TRPS1: variants seen among roughly 807,000 people sequenced by gnomAD.
TRPS1 encodes the protein zinc finger transcription factor Trps1.
In TRPS1, 6 loss-of-function variants were observed where a neutral mutation model predicts 101.2. That is an observed-to-expected ratio of 0.06 (90% CI 0.03 to 0.12). TRPS1 has a LOEUF of 0.12. TRPS1 is among the 10% of genes least tolerant of loss of function. The pLI is 1.00. For missense variants in TRPS1, 1,363 were observed against 1,567.0 expected (o/e 0.87, Z 2.20); for synonymous variants, 578 against 589.8 (o/e 0.98, Z 0.29).
chr8:115,516,710 G>A (rs1009859665), intron 5 of TRPS1, among the ~76,000 whole-genome samples: 1 of 151,492 alleles, frequency 6.6e-6, no homozygotes, highest in African/African-American at 2.4e-5. Flanking sequence ...AAGTAGGCAA[G>A]GTAGTATAGT....
chr8:115,422,919 A>G (rs750187757), intron 5 of TRPS1, among the ~76,000 whole-genome samples: 4 of 152,220 alleles, frequency 2.6e-5, no homozygotes, highest in Non-Finnish European at 5.9e-5. Flanking sequence ...GAAAAAGGAT[A>G]GGAATAAGTA....
chr8:115,617,281 A>G (rs1268604227), intron 3 of TRPS1, among the ~76,000 whole-genome samples: 2 of 152,206 alleles, frequency 1.3e-5, no homozygotes, highest in Non-Finnish European at 2.9e-5. Flanking sequence ...GCAAGGATTT[A>G]GCAGACAGCA....
intron 5 of TRPS1, among the ~76,000 whole-genome samples, chr8:115,532,601 C>T (rs1816163217): frequency 6.6e-6 from 1 of 152,106 alleles, no homozygotes; most frequent in Admixed American, 6.6e-5. Context: ...GAAGACTTCC[C>T]TTTGGACTTG....
chr8:115,576,792 A>G (rs1817329601), intron 5 of TRPS1, among the ~76,000 whole-genome samples: 1 of 152,184 alleles, frequency 6.6e-6, no homozygotes, highest in Non-Finnish European at 1.5e-5. Context: ...AAATATTTTA[A>G]TCACATGTGA....
At chr8:115,520,194 C>A (rs1815823410) in intron 5 of TRPS1, among the ~76,000 whole-genome samples, 1 of 151,734 alleles carries the variant, frequency 6.6e-6, no homozygotes, top group East Asian at 1.9e-4. Flanking sequence ...TTTATCCTGT[C>A]AGCAGTTTCA....
intron 5 of TRPS1, among the ~76,000 whole-genome samples, chr8:115,484,259 T>TA (rs200916502): frequency 4.6e-5 from 7 of 151,458 alleles, no homozygotes; most frequent in Admixed American, 6.6e-5. Flanking sequence ...AGCTAAAGCT[T>TA]AAAAAAAAAT....
intron 1 of TRPS1, among the ~76,000 whole-genome samples, chr8:115,655,937 T>C: frequency 6.6e-6 from 1 of 152,128 alleles, no homozygotes; most frequent in East Asian, 1.9e-4. Context: ...AATGTTTGCC[T>C]GACATCACAG....
chr8:115,494,168 A>C (rs1815095306), intron 5 of TRPS1, among the ~76,000 whole-genome samples: 1 of 152,222 alleles, frequency 6.6e-6, no homozygotes, highest in African/African-American at 2.4e-5. Flanking sequence ...AATCAGTTAC[A>C]AAACAAAATA....
At chr8:115,433,232 T>C (rs961207610) in intron 5 of TRPS1, among the ~76,000 whole-genome samples, 10 of 152,154 alleles carry the variant, frequency 6.6e-5, no homozygotes, top group African/African-American at 2.4e-4. Flanking sequence ...CATTGGAAAC[T>C]GCAAAATGTT....
chr8:115,575,574 C>T (rs944685707), intron 5 of TRPS1, among the ~76,000 whole-genome samples: 5 of 152,014 alleles, frequency 3.3e-5, no homozygotes, highest in Admixed American at 3.3e-4. Flanking sequence ...CCTAATTTAA[C>T]ACCCTTTTCT....
chr8:115,606,393 T>C (rs1052194179), intron 3 of TRPS1, among the ~76,000 whole-genome samples: 1 of 152,188 alleles, frequency 6.6e-6, no homozygotes, highest in Non-Finnish European at 1.5e-5. Context: ...CTAAGAAATG[T>C]GCATTAATAT....
At chr8:115,649,467 C>G (rs1811509878) in intron 1 of TRPS1, among the ~76,000 whole-genome samples, 1 of 152,178 alleles carries the variant, frequency 6.6e-6, no homozygotes, top group African/African-American at 2.4e-5. Context: ...AGACCCAGTT[C>G]TCTCCATTCT....
At chr8:115,495,457 GAA>G (rs1044923380) in intron 5 of TRPS1, among the ~76,000 whole-genome samples, 4 of 147,622 alleles carry the variant, frequency 2.7e-5, no homozygotes, top group Non-Finnish European at 4.5e-5. Flanking sequence ...CAGAAAGGAG[GAA>G]AAAAATATAT....
At chr8:115,525,558 T>C (rs556305607) in intron 5 of TRPS1, among the ~76,000 whole-genome samples, 20 of 152,292 alleles carry the variant, frequency 1.3e-4, no homozygotes, top group Non-Finnish European at 2.9e-4. Context: ...AGAATGGTAA[T>C]AACCATTCTC....
At chr8:115,532,641 T>G (rs1228549143) in intron 5 of TRPS1, among the ~76,000 whole-genome samples, 1 of 152,120 alleles carries the variant, frequency 6.6e-6, no homozygotes, top group Non-Finnish European at 1.5e-5. Context: ...GAAGCATGAA[T>G]AGAATTTATA....
intron 5 of TRPS1, among the ~76,000 whole-genome samples, chr8:115,538,015 A>T (rs535034607): frequency 6.6e-6 from 1 of 152,332 alleles, no homozygotes; most frequent in South Asian, 2.1e-4. Context: ...CAGCAGAAAG[A>T]GAATTCTTTA....
At chr8:115,632,010 G>C (rs1020830637) in intron 1 of TRPS1, among the ~76,000 whole-genome samples, 2 of 152,078 alleles carry the variant, frequency 1.3e-5, no homozygotes, top group Non-Finnish European at 2.9e-5. Flanking sequence ...ATAAATGTCT[G>C]TGTAACTTTA....
intron 5 of TRPS1, among the ~76,000 whole-genome samples, chr8:115,558,054 G>A (rs556450154): frequency 5.4e-4 from 81 of 149,658 alleles, no homozygotes; most frequent in Non-Finnish European, 1.3e-4. Flanking sequence ...TTCTAATTAC[G>A]AGGACAGTTC....
intron 5 of TRPS1, among the ~76,000 whole-genome samples, chr8:115,524,792 G>A (rs1017547025): frequency 6.6e-6 from 1 of 152,060 alleles, no homozygotes; most frequent in Non-Finnish European, 1.5e-5. Flanking sequence ...ATGTATGAAT[G>A]CAATTAAATT....
Sources: allele counts gnomAD v4.1 joint callset (sites outside exome capture counted in the v4.1 genomes callset), GRCh38; gene constraint gnomAD v4.1.1; transcripts MANE v1.5; gene names NCBI Gene and HGNC (gene_info 2026-07-23, HGNC 2026-07-21).